Variants in SPATS2 observed in about 807,000 individuals in gnomAD.
The protein encoded by SPATS2 is spermatogenesis associated serine rich 2, also known as spermatogenesis-associated serine-rich protein 2.
SPATS2 carries 38 observed loss-of-function variants against 63.7 expected under a neutral mutation model. That is an observed-to-expected ratio of 0.60 (90% confidence interval 0.46 to 0.78). The LOEUF (loss-of-function observed/expected upper bound fraction) is 0.78, where lower values mean the gene tolerates loss of function less well. Among genes scored for constraint, SPATS2 ranks in the 30% least tolerant of loss-of-function variants. The probability of loss-of-function intolerance (pLI) is 0.00; values close to 1 mark genes in which losing one functional copy is unlikely to be tolerated. For missense variants in SPATS2, 588 were observed against 666.2 expected, an observed-to-expected ratio of 0.88 and a Z score of 1.29; for synonymous variants, 207 against 232.9, an observed-to-expected ratio of 0.89 and a Z score of 1.01.
At chr12:49,389,754 C>A in intron 2 of SPATS2, 1 of 1,488,524 alleles carries the variant, frequency 6.7e-7, no homozygotes. Flanking sequence ...CAGAGAATTG[C>A]AACAAGAAAG....
chr12:49,482,361 G>A (rs909340493), intron 3 of SPATS2, among the ~76,000 whole-genome samples: 2 of 152,188 alleles, frequency 1.3e-5, no homozygotes, highest in African/African-American at 2.4e-5. Flanking sequence ...CTTTCTCTGA[G>A]GGGTAGCTGT....
chr12:49,433,614 T>TTGTAA (rs1442210403), intron 2 of SPATS2, among the ~76,000 whole-genome samples: 1 of 152,078 alleles, frequency 6.6e-6, no homozygotes, highest in Non-Finnish European at 1.5e-5. Flanking sequence ...TTTAACTCCT[T>TTGTAA]TGCCTATTGT....
chr12:49,372,659 C>T (rs545097177), intron 2 of SPATS2, among the ~76,000 whole-genome samples: 1 of 152,014 alleles, frequency 6.6e-6, no homozygotes, highest in African/African-American at 2.4e-5. Flanking sequence ...TTCATTTAAA[C>T]ATGTTTTACA....
chr12:49,467,185 A>G (rs1945936430), intron 3 of SPATS2, among the ~76,000 whole-genome samples: 1 of 147,484 alleles, frequency 6.8e-6, no homozygotes, highest in African/African-American at 2.5e-5. Flanking sequence ...GATAGCTGGG[A>G]CTACAGGCCC....
At chr12:49,429,622 A>ATTTTTAT (rs142536581) in intron 2 of SPATS2, among the ~76,000 whole-genome samples, 13,854 of 150,902 alleles carry the variant, frequency 0.092, 745 homozygotes, top group African/African-American at 0.14. Flanking sequence ...TAATTTTTGT[A>ATTTTTAT]TTTTTATTTT....
At chr12:49,386,567 G>A (rs1342274254) in intron 2 of SPATS2, among the ~76,000 whole-genome samples, 1 of 152,170 alleles carries the variant, frequency 6.6e-6, no homozygotes, top group Admixed American at 6.5e-5. Flanking sequence ...TAACCAGGGA[G>A]GGGTTTTGCC....
chr12:49,500,076 A>G lies in SPATS2; in HGVS notation c.710A>G (p.Asn237Ser). 1.4e-6 allele frequency: 2 copies of G among 1,461,480 alleles called. No homozygotes were observed. Among genetic ancestry groups the G allele is most frequent in the East Asian group, 2.5e-5 (1 of 39,466 alleles). 90.5% of individuals were successfully genotyped at this position (1,461,480 alleles called of 1,614,324 possible). A position where few individuals can be genotyped will look rare whatever the true frequency, so the allele number is the denominator to read the frequency against. Residue 237 changes from asparagine to serine, a missense_variant, in exon 9 of 14, where the codon AAT becomes AGT. By Grantham distance (46) the Asn-to-Ser change is conservative. Coordinates refer to ENST00000552918, the MANE Select transcript of SPATS2 (RefSeq NM_023071.4). Reference sequence around the variant, plus strand: ...TTCGGTTTTTTTCCCCAAGGTTCCAATATTGAAAAATCTGTAAAAGACCTC... The same window carrying G: ...TTCGGTTTTTTTCCCCAAGGTTCCAGTATTGAAAAATCTGTAAAAGACCTC... ...PLATSKKLSS[N>S]IEKSVKDLQR... is the part of the protein sequence containing the mutation.
At position 49,500,122 on chromosome 12, in the gene SPATS2, T is replaced by A; in HGVS notation, c.756T>A (p.Leu252=). The part of the protein sequence containing the change: ...VKDLQRCTVS[L]ARYRVVVKEE... ...ACCTCCAGCGCTGCACAGTGTCTCT[T>A]GCACGGTATCGAGTTGTAGTTAAAG... Residue 252 remains leucine, a synonymous_variant, in exon 9 of 14, where the codon CTT becomes CTA. Transcript: ENST00000552918. 1 of 1,611,760 alleles carries A rather than the reference T, an allele frequency of 6.2e-7. No homozygotes were observed. The highest frequency in any genetic ancestry group is 8.5e-7 in the Non-Finnish European group (1 of 1,179,102).
intron 8 of SPATS2, among the ~76,000 whole-genome samples, chr12:49,497,280 T>G (rs781474802): frequency 2.0e-5 from 3 of 152,234 alleles, no homozygotes; most frequent in Non-Finnish European, 2.9e-5. Flanking sequence ...ATTTACCTGC[T>G]AACATTAACC....
rs780850749 is a variant in SPATS2, at chr12:49,526,186, G to A, written c.1569G>A (p.Thr523=). The A allele has an allele frequency of 1.7e-5, 27 of 1,614,012 alleles. No individual in the cohort carries two copies. Among genetic ancestry groups the A allele is most frequent in the South Asian group, 1.5e-4 (14 of 91,080 alleles). The change falls in exon 14 of 14, where the codon ACG becomes ACA. Residue 523 remains threonine (T), a synonymous_variant. Coordinates refer to ENST00000552918, the MANE Select transcript of SPATS2 (RefSeq NM_023071.4). ...TGVSMEPSPP[T]PSFKKGLPQR... is the part of the protein sequence containing the mutation. ...TCAGCATGGAGCCCAGCCCTCCCAC[G>A]CCTTCATTCAAAAAGGGGCTCCCCC...
At chr12:49,462,262 C>G in intron 3 of SPATS2, 1 of 702,182 alleles carries the variant, frequency 1.4e-6, no homozygotes, top group Non-Finnish European at 2.6e-6. Context: ...CTGCCTCTCT[C>G]AACTCCTCAC....
At chr12:49,370,525 A>G (rs1943979076) in intron 1 of SPATS2, among the ~76,000 whole-genome samples, 1 of 152,220 alleles carries the variant, frequency 6.6e-6, no homozygotes, top group African/African-American at 2.4e-5. Context: ...TGAAAATAGC[A>G]TGTCCATCCC....
chr12:49,438,993 T>C lies in SPATS2; in HGVS notation c.-243-21777T>C, dbSNP rs192187567. On this transcript the variant is annotated intron_variant, in intron 2 of 13. Transcript: ENST00000552918. ...AATAAATACAGAATATAATGCTAGA[T>C]AGTAACAGTTGTAGAAAAAAATGTA... Among the ~76,000 whole-genome samples the C allele has an allele frequency of 1.1e-4, 17 of 152,234 alleles. No individual in the cohort carries two copies. The East Asian group carries it at 3.1e-3, about 28-fold the overall frequency.
intron 2 of SPATS2, among the ~76,000 whole-genome samples, chr12:49,407,608 T>G (rs1424354444): frequency 6.6e-6 from 1 of 152,124 alleles, no homozygotes; most frequent in Non-Finnish European, 1.5e-5. Context: ...ATTTCAGGGG[T>G]CAGGCTGAAA....
chr12:49,510,342 G>T (rs559244024), intron 9 of SPATS2, among the ~76,000 whole-genome samples: 1 of 150,964 alleles, frequency 6.6e-6, no homozygotes, highest in Non-Finnish European at 1.5e-5. Context: ...TGGATGGATC[G>T]CTTGAGCTCA....
At position 49,407,648 on chromosome 12, in the gene SPATS2, C is replaced by CT. The variant is rs1944720086; in HGVS notation, c.-244+36359dup. Among the ~76,000 whole-genome samples, 3 of 152,310 alleles carry CT rather than the reference C, an allele frequency of 2.0e-5. No homozygotes were observed. In the South Asian group the frequency reaches 6.2e-4, roughly 32 times the overall value. ...ACCATATTGGTGAGGCCCTGGCTCTCTATCGCCTTTACCCTGCTTCATTTT... is the reference window on the plus strand; with the variant it reads ...ACCATATTGGTGAGGCCCTGGCTCTCTTATCGCCTTTACCCTGCTTCATTTT... On this transcript the variant is annotated intron_variant, in intron 2 of 13. Coordinates refer to ENST00000552918, the MANE Select transcript of SPATS2 (RefSeq NM_023071.4).
chr12:49,426,291 A>G (rs1945074603), intron 2 of SPATS2, among the ~76,000 whole-genome samples: 1 of 152,072 alleles, frequency 6.6e-6, no homozygotes, highest in African/African-American at 2.4e-5. Context: ...ACACAGCCAT[A>G]TAACCACTAT....
intron 2 of SPATS2, among the ~76,000 whole-genome samples, chr12:49,372,294 C>T (rs1329841863): frequency 2.6e-5 from 4 of 152,182 alleles, no homozygotes; most frequent in African/African-American, 9.7e-5. Flanking sequence ...ATCCACCCGC[C>T]TCAGCCTCTC....
At chr12:49,431,690 A>G (rs576721241) in intron 2 of SPATS2, among the ~76,000 whole-genome samples, 18 of 152,338 alleles carry the variant, frequency 1.2e-4, no homozygotes, top group African/African-American at 4.3e-4. Flanking sequence ...AACCTTGAAT[A>G]CATAGGTTTA....
Sources: allele counts gnomAD v4.1 joint callset (sites outside exome capture counted in the v4.1 genomes callset), GRCh38; gene constraint gnomAD v4.1.1; transcripts MANE v1.5; gene names NCBI Gene and HGNC (gene_info 2026-07-23, HGNC 2026-07-21).